Variants in CHN1 observed in about 807,000 individuals in gnomAD.
CHN1 encodes chimerin 1, also known as N-chimaerin.
CHN1 carries 37 observed loss-of-function variants against 59.5 expected under a neutral mutation model. The observed-to-expected ratio is 0.62, with a 90% CI of 0.48 to 0.82. The LOEUF is 0.82. Ranked by LOEUF, CHN1 falls within the 40% of genes least tolerant of loss-of-function variation. The pLI is 0.00. For missense variants in CHN1, 469 were observed against 571.0 expected (o/e 0.82, Z 1.82); for synonymous variants, 206 against 200.4 (o/e 1.03, Z -0.24).
intron 6 of CHN1, among the ~76,000 whole-genome samples, chr2:174,856,183 A>C (rs990868691): frequency 6.6e-6 from 1 of 152,298 alleles, no homozygotes; most frequent in Non-Finnish European, 1.5e-5. Context: ...AGAACTCTAT[A>C]AATTCCTTAA....
At chr2:174,844,035 T>C (rs558800378) in intron 7 of CHN1, among the ~76,000 whole-genome samples, 11 of 151,764 alleles carry the variant, frequency 7.2e-5, no homozygotes, top group East Asian at 1.9e-4. Context: ...AAATAAGAGG[T>C]TGATCCAGGG....
intron 1 of CHN1, among the ~76,000 whole-genome samples, chr2:175,004,296 T>G (rs904025221): frequency 6.6e-6 from 1 of 152,252 alleles, no homozygotes. Context: ...TAATGAATAC[T>G]CAGTCTCCTG....
intron 10 of CHN1, among the ~76,000 whole-genome samples, chr2:174,809,812 T>C (rs1685016398): frequency 6.6e-6 from 1 of 152,226 alleles, no homozygotes; most frequent in Non-Finnish European, 1.5e-5. Flanking sequence ...CAGACTAGGA[T>C]TCTTCTGGGG....
intron 5 of CHN1, 84 bp downstream of exon 5, chr2:174,914,974 A>G (rs1688804966): frequency 1.4e-6 from 1 of 698,450 alleles, no homozygotes; most frequent in Admixed American, 3.0e-5. Flanking sequence ...ATTCAATTAC[A>G]TGCTGAATGC....
chr2:174,976,083 G>A (rs1217743376), intron 1 of CHN1, among the ~76,000 whole-genome samples: 1 of 120,302 alleles, frequency 8.3e-6, no homozygotes, highest in Non-Finnish European at 1.6e-5. Context: ...CAGAGATCGC[G>A]CCACTGCTCT....
intron 3 of CHN1, among the ~76,000 whole-genome samples, chr2:174,938,585 A>G (rs1208115257): frequency 6.6e-6 from 1 of 152,192 alleles, no homozygotes; most frequent in East Asian, 1.9e-4. Context: ...CAACCTAGAG[A>G]ACGGTCAAAT....
chr2:174,931,258 TTAAA>T (rs1302805183), intron 3 of CHN1, among the ~76,000 whole-genome samples: 2 of 152,250 alleles, frequency 1.3e-5, no homozygotes, highest in Admixed American at 6.5e-5. Context: ...ATTATAAGTG[TTAAA>T]TAACAGATTA....
At chr2:174,890,186 C>T (rs567479755) in intron 5 of CHN1, among the ~76,000 whole-genome samples, 1 of 152,196 alleles carries the variant, frequency 6.6e-6, no homozygotes, top group Admixed American at 6.5e-5. Flanking sequence ...AAAGACTCAC[C>T]TTAGATGTAA....
At chr2:174,840,544 A>C (rs780081256) in intron 7 of CHN1, among the ~76,000 whole-genome samples, 1 of 152,120 alleles carries the variant, frequency 6.6e-6, no homozygotes, top group African/African-American at 2.4e-5. Context: ...GCATATATCC[A>C]GCAGTCAAGG....
chr2:174,888,458 C>T (rs1432751237), intron 5 of CHN1, among the ~76,000 whole-genome samples: 1 of 152,116 alleles, frequency 6.6e-6, no homozygotes, highest in Non-Finnish European at 1.5e-5. Context: ...ATCTGTTCTA[C>T]TATACTCAAG....
intron 5 of CHN1, among the ~76,000 whole-genome samples, chr2:174,880,450 G>T (rs1687698602): frequency 6.6e-6 from 1 of 152,122 alleles, no homozygotes; most frequent in African/African-American, 2.4e-5. Flanking sequence ...GGCATATTGT[G>T]CTTTGTGGGA....
intron 1 of CHN1, among the ~76,000 whole-genome samples, chr2:174,973,071 C>T (rs1162727616): frequency 6.6e-6 from 1 of 152,180 alleles, no homozygotes; most frequent in Non-Finnish European, 1.5e-5. Flanking sequence ...TTGAACTCTT[C>T]AGTTGTTCAA....
intron 1 of CHN1, among the ~76,000 whole-genome samples, chr2:174,955,435 A>T (rs1403035540): frequency 6.6e-6 from 1 of 151,928 alleles, no homozygotes; most frequent in Non-Finnish European, 1.5e-5. Context: ...GAGTTAAGCT[A>T]TGAGGACACA....
intron 6 of CHN1, among the ~76,000 whole-genome samples, chr2:174,856,165 T>C (rs536672835): frequency 5.8e-4 from 89 of 152,290 alleles, no homozygotes; most frequent in Admixed American, 2.2e-3. Flanking sequence ...ATTAGAGACT[T>C]CTGTATCAGA....
intron 5 of CHN1, among the ~76,000 whole-genome samples, chr2:174,908,456 T>C (rs1390544686): frequency 6.6e-6 from 1 of 152,154 alleles, no homozygotes; most frequent in Non-Finnish European, 1.5e-5. Flanking sequence ...TTCCTACAGA[T>C]AAAGCCCAAA....
Position 174,897,515 on chromosome 2 carries a change from TAA to T in CHN1, c.260+17541_260+17542del, listed in dbSNP as rs10711155. 5.9e-3 allele frequency among the ~76,000 whole-genome samples: 863 copies of T among 145,824 alleles called. 7 individuals are homozygous for T. Among genetic ancestry groups the T allele is most frequent in the African/African-American group, 0.018 (706 of 39,840 alleles). On this transcript the variant is annotated intron_variant, in intron 5 of 12. Coordinates refer to ENST00000409900, the MANE Select transcript of CHN1 (RefSeq NM_001822.7). The stretch of plus-strand genomic sequence containing the variant: ...GTGTTTGTTCTATTGGCAGGATAGT[TAA>T]AAAAAAAAAAAATCAAAATACCCCA...
At chr2:175,004,246 G>C (rs1691988105) in intron 1 of CHN1, among the ~76,000 whole-genome samples, 1 of 152,168 alleles carries the variant, frequency 6.6e-6, no homozygotes, top group East Asian at 1.9e-4. Flanking sequence ...AAAAGCAACA[G>C]TGCTGCAGTA....
intron 1 of CHN1, among the ~76,000 whole-genome samples, chr2:174,973,657 G>A (rs889723982): frequency 9.2e-5 from 14 of 152,140 alleles, no homozygotes; most frequent in Non-Finnish European, 1.5e-4. Context: ...CAGGACTGAC[G>A]ATGTGGACCC....
intron 3 of CHN1, among the ~76,000 whole-genome samples, chr2:174,941,470 T>C (rs1230199559): frequency 6.6e-6 from 1 of 152,204 alleles, no homozygotes; most frequent in African/African-American, 2.4e-5. Context: ...CCCATTCTCC[T>C]AATTCATTAA....
Sources: gnomAD v4.1 joint callset for allele counts (sites outside exome capture counted in the v4.1 genomes callset) on GRCh38, gnomAD v4.1.1 for gene constraint, MANE v1.5 for transcripts, NCBI Gene and HGNC (gene_info 2026-07-23, HGNC 2026-07-21) for gene names.